Variants in DNAH12 observed in about 807,000 individuals in gnomAD.
DNAH12 encodes the protein dynein axonemal heavy chain 12.
Under a neutral mutation model 371.5 loss-of-function variants are expected in DNAH12, and 285 were observed. That is an observed-to-expected ratio of 0.77 (90% CI 0.70 to 0.85). The LOEUF (loss-of-function observed/expected upper bound fraction) is 0.85, where lower values mean the gene tolerates loss of function less well. Ranked by LOEUF, DNAH12 falls within the 40% of genes least tolerant of loss-of-function variation. DNAH12 has a pLI of 0.00. For missense variants in DNAH12, 3,611 were observed against 3,689.4 expected, an observed-to-expected ratio of 0.98 and a Z score of 0.55; for synonymous variants, 1,200 against 1,213.0, an observed-to-expected ratio of 0.99 and a Z score of 0.22.
At chr3:57,463,713 A>C (rs1488132850) in intron 17 of DNAH12, among the ~76,000 whole-genome samples, 2 of 152,154 alleles carry the variant, frequency 1.3e-5, no homozygotes, top group African/African-American at 4.8e-5. Context: ...ACAGGCACTC[A>C]GTAAGTATTT....
intron 45 of DNAH12, among the ~76,000 whole-genome samples, chr3:57,389,103 A>G (rs2063556344): frequency 6.6e-6 from 1 of 151,990 alleles, no homozygotes; most frequent in African/African-American, 2.4e-5. Flanking sequence ...CACCTTTCCC[A>G]TGCACTTCTT....
chr3:57,428,785 C>A lies in DNAH12; in HGVS notation c.5101G>T (p.Glu1701Ter), dbSNP rs1354323497. 4 of 1,545,902 alleles carry A rather than the reference C, an allele frequency of 2.6e-6. No individual in the cohort carries two copies. In the African/African-American group the frequency reaches 5.5e-5, roughly 21 times the overall value. Residue 1701 changes from glutamate to a stop codon, truncating the protein, a stop_gained, in exon 34 of 74, where the codon GAG becomes TAG. Coordinates refer to ENST00000495027, the MANE Select transcript of DNAH12 (RefSeq NM_001366028.2). LOFTEE classifies it high-confidence loss of function. Reference sequence around the variant, plus strand: ...GGTTCCCATCCTAACTGTGAAGGCTCCAAATAAATCATACCACAACGACTT... The same window carrying A: ...GGTTCCCATCCTAACTGTGAAGGCTACAAATAAATCATACCACAACGACTT... ...TVSRCGMIYL[E>*]PSQLGWEPLV...
chr3:57,482,680 C>G (rs1223080512), intron 13 of DNAH12, among the ~76,000 whole-genome samples: 2 of 151,902 alleles, frequency 1.3e-5, no homozygotes, highest in African/African-American at 2.4e-5. Context: ...CCCAAATGTC[C>G]AACAATGATA....
chr3:57,495,562 C>A (rs760712035), intron 11 of DNAH12, among the ~76,000 whole-genome samples: 2 of 138,360 alleles, frequency 1.4e-5, no homozygotes, highest in Non-Finnish European at 3.1e-5. Context: ...CTAGCCTGGG[C>A]GACAAGAGTG....
At chr3:57,301,369 T>A (rs1248368836) in intron 70 of DNAH12, among the ~76,000 whole-genome samples, 2 of 150,976 alleles carry the variant, frequency 1.3e-5, no homozygotes, top group Non-Finnish European at 2.9e-5. Flanking sequence ...AACTGTGGTC[T>A]TACAGGACCA....
chr3:57,343,180 A>C (rs2062447938), intron 60 of DNAH12, among the ~76,000 whole-genome samples: 1 of 152,202 alleles, frequency 6.6e-6, no homozygotes, highest in African/African-American at 2.4e-5. Context: ...ATAATTAGGG[A>C]AATTGTGGGG....
chr3:57,446,563 C>A lies in DNAH12; in HGVS notation c.3913G>T (p.Gly1305Trp). 1 of 1,539,134 alleles carries A rather than the reference C, an allele frequency of 6.5e-7. No individual in the cohort carries two copies. The highest frequency in any genetic ancestry group is 8.8e-7 in the Non-Finnish European group (1 of 1,142,122). Residue 1305 changes from glycine (G) to tryptophan (W), a missense_variant, in exon 26 of 74, where the codon GGG becomes TGG. Gly to Trp is a radical substitution (Grantham distance 184). Transcript: ENST00000495027. ...VQCVVFNCSD[G>W]LDYLAMGKFF... ...TTTCCCATTGCTAGATAATCTAGCC[C>A]ATCAGAACAGTTGAACACCACACAC...
Position 57,314,512 on chromosome 3 carries a change from G to A in DNAH12, c.10644C>T (p.Ile3548=). The change falls in exon 66 of 74, where the codon ATC becomes ATT. Residue 3548 remains isoleucine (I), a synonymous_variant. Coordinates refer to ENST00000495027, the MANE Select transcript of DNAH12 (RefSeq NM_001366028.2). ...PYGFNESDLR[I]SIRQLQLFIN... is the part of the protein sequence containing the mutation. Reference sequence around the variant, plus strand: ...ATTTTACCTGCAGTTGTCGGATACTGATGCGCAAGTCAGATTCATTAAATC... The same window carrying A: ...ATTTTACCTGCAGTTGTCGGATACTAATGCGCAAGTCAGATTCATTAAATC... The A allele has an allele frequency of 6.4e-7, 1 of 1,551,024 alleles. No individual in the cohort carries two copies. The highest frequency in any genetic ancestry group is 1.2e-5 in the South Asian group (1 of 83,836).
intron 65 of DNAH12, among the ~76,000 whole-genome samples, chr3:57,320,798 G>A (rs1241323440): frequency 6.6e-6 from 1 of 152,152 alleles, no homozygotes; most frequent in African/African-American, 2.4e-5. Context: ...CCCTCTAGGG[G>A]AATCGGATGC....
At chr3:57,553,728 G>A in the DNAH12 span, among the ~76,000 whole-genome samples, 140 of 152,184 alleles carry the variant, frequency 9.2e-4, 5 homozygotes, top group Non-Finnish European at 3.1e-4. Flanking sequence ...TATCACGGAA[G>A]CAACAGTTTT....
intron 65 of DNAH12, among the ~76,000 whole-genome samples, chr3:57,315,866 G>T (rs551277315): frequency 6.6e-6 from 1 of 152,252 alleles, no homozygotes; most frequent in South Asian, 2.1e-4. Context: ...AGGCGAAGAA[G>T]GCTCCTGTTG....
intron 42 of DNAH12, among the ~76,000 whole-genome samples, chr3:57,404,363 G>A (rs1553680246): frequency 6.6e-6 from 1 of 152,020 alleles, no homozygotes; most frequent in Admixed American, 6.5e-5. Context: ...TTTAAAATAT[G>A]CAAAATAAGA....
intron 43 of DNAH12, among the ~76,000 whole-genome samples, chr3:57,396,301 A>C (rs1159031271): frequency 1.3e-5 from 2 of 150,230 alleles, no homozygotes; most frequent in African/African-American, 4.9e-5. Flanking sequence ...AAAAAAAAAA[A>C]AAAAAAAAAG....
At chr3:57,449,439 G>T (rs957073352) in intron 25 of DNAH12, among the ~76,000 whole-genome samples, 1 of 152,226 alleles carries the variant, frequency 6.6e-6, no homozygotes, top group African/African-American at 2.4e-5. Context: ...GGAGCCCATG[G>T]AGTGGGTGGG....
At chr3:57,448,059 T>A (rs916150825) in intron 25 of DNAH12, among the ~76,000 whole-genome samples, 2 of 152,220 alleles carry the variant, frequency 1.3e-5, no homozygotes, top group Non-Finnish European at 1.5e-5. Context: ...TCCTTTTCAA[T>A]TTTAAGAAAA....
intron 11 of DNAH12, among the ~76,000 whole-genome samples, chr3:57,492,296 A>G (rs1423297940): frequency 6.6e-6 from 1 of 152,160 alleles, no homozygotes; most frequent in East Asian, 1.9e-4. Flanking sequence ...CCGTGTCTCT[A>G]CTAAAAATAC....
Position 57,542,765 on chromosome 3 carries a change from T to G in DNAH12, c.106A>C (p.Thr36Pro), listed in dbSNP as rs770049842. ...CTGTATTTTAGCAGCTTACTTTGTG[T>G]TGGTGTATCAACGCCTATGTTTTCT... is the stretch of plus-strand genomic sequence containing the variant. The part of the protein sequence containing the change: ...LPENIGVDTP[T>P]QSKLLKYRRS... The change falls in exon 2 of 74, where the codon ACA (threonine) becomes CCA (proline). Residue 36 changes from threonine (T) to proline (P), a missense_variant. Thr to Pro is a conservative substitution (Grantham distance 38). Coordinates refer to ENST00000495027, the MANE Select transcript of DNAH12 (RefSeq NM_001366028.2). The G allele has an allele frequency of 6.2e-7, 1 of 1,612,686 alleles. No homozygotes were observed. Among genetic ancestry groups the G allele is most frequent in the Non-Finnish European group, 8.5e-7 (1 of 1,179,488 alleles).
At chr3:57,497,477 T>C (rs1251104640) in intron 11 of DNAH12, among the ~76,000 whole-genome samples, 1 of 152,222 alleles carries the variant, frequency 6.6e-6, no homozygotes, top group Admixed American at 6.5e-5. Context: ...GGCAAGATAA[T>C]TCAATGAGTA....
intron 72 of DNAH12, 67 bp downstream of exon 72, chr3:57,296,277 A>AT: frequency 7.9e-7 from 1 of 1,260,614 alleles, no homozygotes; most frequent in Non-Finnish European, 1.1e-6. Context: ...TTTTTAAGCA[A>AT]CAGATTGCTT....
Sources: gnomAD v4.1 joint callset for allele counts (sites outside exome capture counted in the v4.1 genomes callset) on GRCh38, gnomAD v4.1.1 for gene constraint, MANE v1.5 for transcripts, NCBI Gene and HGNC (gene_info 2026-07-23, HGNC 2026-07-21) for gene names.